The following XRRA1 variants were observed in gnomAD, a reference collection of about 807,000 sequenced individuals.
XRRA1 encodes the protein X-ray radiation resistance-associated protein 1.
XRRA1 carries 69 observed loss-of-function variants against 80.2 expected under a neutral mutation model. The observed-to-expected ratio is 0.86, with a 90% CI of 0.71 to 1.05. The LOEUF is 1.05. Ranked by LOEUF, XRRA1 falls within the 50% of genes least tolerant of loss-of-function variation. The pLI is 0.00. For synonymous variants in XRRA1, 348 were observed against 389.9 expected, an observed-to-expected ratio of 0.89 and a Z score of 1.27; for missense variants, 967 against 976.4, an observed-to-expected ratio of 0.99 and a Z score of 0.13.
chr11:74,855,669 G>C (rs1218194715), intron 12 of XRRA1, among the ~76,000 whole-genome samples: 2 of 152,186 alleles, frequency 1.3e-5, no homozygotes, highest in South Asian at 2.1e-4. Context: ...CCAAGTGAAA[G>C]TGATTATTTT....
At chr11:74,872,143 A>G (rs921660350) in intron 10 of XRRA1, among the ~76,000 whole-genome samples, 4 of 152,198 alleles carry the variant, frequency 2.6e-5, no homozygotes, top group African/African-American at 9.7e-5. Context: ...TGCATATTGG[A>G]GGGCCTATAA....
At chr11:74,916,997 A>G (rs1396201081) in intron 8 of XRRA1, among the ~76,000 whole-genome samples, 2 of 152,212 alleles carry the variant, frequency 1.3e-5, no homozygotes, top group Non-Finnish European at 2.9e-5. Flanking sequence ...CCTGGCTCCC[A>G]AAAGATGGGG....
chr11:74,916,553 A>G (rs921334187), intron 8 of XRRA1, among the ~76,000 whole-genome samples: 74 of 152,114 alleles, frequency 4.9e-4, no homozygotes, highest in African/African-American at 1.7e-3. Context: ...TTTTGTTAAT[A>G]TATCATTTTC....
At chr11:74,851,056 TG>T (rs2039697376) in intron 14 of XRRA1, 31 bp downstream of exon 14, 2 of 1,569,616 alleles carry the variant, frequency 1.3e-6, no homozygotes, top group Admixed American at 1.7e-5. Flanking sequence ...GCACTCTTCC[TG>T]GGGGTGGGAG....
intron 16 of XRRA1, 72 bp from the exon 17 acceptor site, chr11:74,844,355 C>T: frequency 9.0e-7 from 1 of 1,106,468 alleles, no homozygotes; most frequent in Non-Finnish European, 1.4e-6. Flanking sequence ...CTGATTGCTT[C>T]ATTCCTCAGT....
intron 2 of XRRA1, among the ~76,000 whole-genome samples, chr11:74,943,698 C>T (rs1330398686): frequency 6.6e-6 from 1 of 152,098 alleles, no homozygotes; most frequent in African/African-American, 2.4e-5. Context: ...GAAAGTCTGC[C>T]TTATACGTGA....
intron 11 of XRRA1, among the ~76,000 whole-genome samples, chr11:74,862,082 G>A (rs369116177): frequency 5.3e-5 from 8 of 152,222 alleles, no homozygotes; most frequent in South Asian, 4.2e-4. Context: ...TTTTTAATTC[G>A]CCCTTGCTCT....
chr11:74,873,226 C>G (rs866900992), intron 10 of XRRA1, among the ~76,000 whole-genome samples: 2 of 152,140 alleles, frequency 1.3e-5, no homozygotes, highest in East Asian at 3.8e-4. Context: ...TATTAATAAC[C>G]TGAAAATGCA....
At chr11:74,929,860 G>A (rs1337762419) in intron 6 of XRRA1, among the ~76,000 whole-genome samples, 1 of 152,106 alleles carries the variant, frequency 6.6e-6, no homozygotes, top group African/African-American at 2.4e-5. Flanking sequence ...CAAACCATGA[G>A]CTCACCAGAG....
chr11:74,933,760 G>C, intron 5 of XRRA1, 41 bp downstream of exon 5: 2 of 1,548,698 alleles, frequency 1.3e-6, no homozygotes, highest in Non-Finnish European at 1.8e-6. Flanking sequence ...GCCACCTCAA[G>C]TCTGGCTCAC....
At chr11:74,926,106 G>A (rs1942167117) in intron 7 of XRRA1, among the ~76,000 whole-genome samples, 1 of 152,172 alleles carries the variant, frequency 6.6e-6, no homozygotes, top group Non-Finnish European at 1.5e-5. Context: ...CTAGACAAGT[G>A]TGAGGACTAC....
intron 7 of XRRA1, among the ~76,000 whole-genome samples, chr11:74,925,834 TGCATGGTACAAC>T (rs1353043286): frequency 6.6e-6 from 1 of 152,154 alleles, no homozygotes; most frequent in Non-Finnish European, 1.5e-5. Context: ...GAAGACAAGA[TGCATGGTACAAC>T]GCACAACACA....
intron 10 of XRRA1, among the ~76,000 whole-genome samples, chr11:74,893,868 C>A (rs964684517): frequency 6.6e-6 from 1 of 152,202 alleles, no homozygotes; most frequent in South Asian, 2.1e-4. Context: ...AACAGAATTA[C>A]TATTGGATCC....
intron 7 of XRRA1, among the ~76,000 whole-genome samples, chr11:74,922,556 C>G (rs1941156257): frequency 6.6e-6 from 1 of 152,156 alleles, no homozygotes; most frequent in Non-Finnish European, 1.5e-5. Flanking sequence ...CTTCCCTGTG[C>G]CCCCCTCCTC....
chr11:74,851,204 C>G lies in XRRA1; in HGVS notation c.1265-1G>C. ...AAGCTCTTCAGCAGTGGAGGGACCC[C>G]TGGTGCCATGATGGGAAAATAAGAT... is the stretch of plus-strand genomic sequence containing the variant. On this transcript the variant is annotated splice_acceptor_variant, in intron 13 of 18. Transcript: ENST00000684022. LOFTEE classifies it high-confidence loss of function. 1 of 1,602,196 alleles carries G rather than the reference C, an allele frequency of 6.2e-7. No homozygotes were observed. Among genetic ancestry groups the G allele is most frequent in the African/African-American group, 1.3e-5 (1 of 74,224 alleles).
rs182535346 is a variant in XRRA1, at chr11:74,888,657, T to C, written c.1003+17582A>G. Among the ~76,000 whole-genome samples, 413 of 152,130 alleles carry C rather than the reference T, an allele frequency of 2.7e-3. 2 individuals are homozygous for C. The highest frequency in any genetic ancestry group is 9.7e-3 in the African/African-American group (403 of 41,496). On this transcript the variant is annotated intron_variant, in intron 10 of 18. Coordinates refer to ENST00000684022, the MANE Select transcript of XRRA1 (RefSeq NM_001378157.1). ...GAAGTTCGAACCCATGGCAAAGAAGTTAAAAACCTTGAAAAAGAATTAGAC... is the reference window on the plus strand; with the variant it reads ...GAAGTTCGAACCCATGGCAAAGAAGCTAAAAACCTTGAAAAAGAATTAGAC...
intron 14 of XRRA1, chr11:74,850,766 C>T: frequency 6.0e-6 from 1 of 165,734 alleles, no homozygotes; most frequent in Non-Finnish European, 1.3e-5. Flanking sequence ...AAACTCCTGC[C>T]CTCAAGCGAT....
At chr11:74,863,083 C>T (rs1460983015) in intron 10 of XRRA1, 62 bp from the exon 11 acceptor site, 1 of 1,475,450 alleles carries the variant, frequency 6.8e-7, no homozygotes, top group Admixed American at 1.9e-5. Flanking sequence ...CTAGAGCACC[C>T]AGGATATAGG....
intron 2 of XRRA1, among the ~76,000 whole-genome samples, chr11:74,944,665 T>A (rs1169402000): frequency 6.6e-6 from 1 of 152,188 alleles, no homozygotes; most frequent in Non-Finnish European, 1.5e-5. Flanking sequence ...GCTCCCCTCA[T>A]CAACTTCTCA....
Sources: allele counts gnomAD v4.1 joint callset (sites outside exome capture counted in the v4.1 genomes callset), GRCh38; gene constraint gnomAD v4.1.1; transcripts MANE v1.5; gene names NCBI Gene and HGNC (gene_info 2026-07-23, HGNC 2026-07-21).